RNF185: variants seen among roughly 807,000 people sequenced by gnomAD.
The protein encoded by RNF185 is E3 ubiquitin-protein ligase RNF185.
A neutral mutation model predicts 24.9 loss-of-function variants in RNF185; 13 were observed. The ratio of observed to expected loss-of-function variants is 0.52; its 90% confidence interval spans 0.34 to 0.83. The LOEUF (loss-of-function observed/expected upper bound fraction) is 0.83. RNF185 is among the 40% of genes least tolerant of loss of function. RNF185 has a pLI of 0.01. For synonymous variants in RNF185, 79 were observed against 90.3 expected (o/e 0.88, Z 0.71); for missense variants, 184 against 244.7 (o/e 0.75, Z 1.65).
At chr22:31,160,492 C>T (rs989544202) in intron 1 of RNF185, among the ~76,000 whole-genome samples, 189 bp downstream of exon 1, 1 of 152,216 alleles carries the variant, frequency 6.6e-6, no homozygotes, top group African/African-American at 2.4e-5. Flanking sequence ...CCCATGAATA[C>T]AGATTGGGGA....
At chr22:31,184,732 G>A (rs958166518) in intron 1 of RNF185, among the ~76,000 whole-genome samples, 2 of 152,150 alleles carry the variant, frequency 1.3e-5, no homozygotes, top group Non-Finnish European at 2.9e-5. Flanking sequence ...CGGCCAACAC[G>A]GCAAAACCCC....
intron 1 of RNF185, among the ~76,000 whole-genome samples, chr22:31,167,231 A>G (rs962145394): frequency 7.2e-5 from 11 of 152,110 alleles, no homozygotes; most frequent in Admixed American, 6.5e-5. Flanking sequence ...GCTGAAGTGT[A>G]GTGGCAACTC....
At chr22:31,198,018 G>A (rs1412593061) in intron 5 of RNF185, among the ~76,000 whole-genome samples, 1 of 152,118 alleles carries the variant, frequency 6.6e-6, no homozygotes, top group East Asian at 1.9e-4. Flanking sequence ...AAAAAATTCT[G>A]TTAAAATGTT....
chr22:31,191,487 A>G (rs748378542), intron 2 of RNF185, among the ~76,000 whole-genome samples: 2 of 152,230 alleles, frequency 1.3e-5, no homozygotes, highest in East Asian at 3.8e-4. Flanking sequence ...CCTGGCCTAC[A>G]TAGTAGGTAC....
intron 3 of RNF185, among the ~76,000 whole-genome samples, chr22:31,195,077 C>T (rs909928162): frequency 6.6e-5 from 10 of 152,026 alleles, no homozygotes; most frequent in East Asian, 1.9e-4. Flanking sequence ...CTCAGCCTCC[C>T]GAGTAGCTGG....
At chr22:31,161,754 C>T (rs981636957) in intron 1 of RNF185, among the ~76,000 whole-genome samples, 1 of 152,152 alleles carries the variant, frequency 6.6e-6, no homozygotes, top group Non-Finnish European at 1.5e-5. Context: ...ATCCTCTCTT[C>T]AGCAATATGT....
At chr22:31,168,943 T>C (rs1924111283) in intron 1 of RNF185, among the ~76,000 whole-genome samples, 1 of 152,088 alleles carries the variant, frequency 6.6e-6, no homozygotes, top group Admixed American at 6.6e-5. Context: ...AGTCTCTCTC[T>C]CTCTTGCCCA....
intron 1 of RNF185, among the ~76,000 whole-genome samples, chr22:31,166,719 G>T (rs1051893724): frequency 1.3e-5 from 2 of 151,534 alleles, no homozygotes; most frequent in Non-Finnish European, 2.9e-5. Context: ...GTGCGATCTT[G>T]GCTCACTGCA....
At chr22:31,202,147 A>G (rs957642771) in intron 6 of RNF185, among the ~76,000 whole-genome samples, 3 of 152,096 alleles carry the variant, frequency 2.0e-5, no homozygotes, top group African/African-American at 4.8e-5. Context: ...TGTGGGAACC[A>G]TGCCTAGGTC....
At chr22:31,165,355 C>CTGA (rs953445349) in intron 1 of RNF185, among the ~76,000 whole-genome samples, 8 of 152,140 alleles carry the variant, frequency 5.3e-5, no homozygotes, top group East Asian at 1.9e-4. Context: ...TCCTTAATGG[C>CTGA]TGATGATGAT....
chr22:31,167,290 C>G (rs1923987154), intron 1 of RNF185, among the ~76,000 whole-genome samples: 1 of 152,122 alleles, frequency 6.6e-6, no homozygotes, highest in South Asian at 2.1e-4. Context: ...GCCTCAGCCC[C>G]CTAAAGTGCT....
chr22:31,167,638 G>A (rs1236090629), intron 1 of RNF185, among the ~76,000 whole-genome samples: 1 of 115,214 alleles, frequency 8.7e-6, no homozygotes, highest in Admixed American at 1.1e-4. Flanking sequence ...TTTTGAGACA[G>A]TCTCACTCCG....
intron 1 of RNF185, among the ~76,000 whole-genome samples, chr22:31,176,491 CTTT>C (rs1231883999): frequency 5.3e-5 from 7 of 132,670 alleles, no homozygotes; most frequent in Admixed American, 1.5e-4. Flanking sequence ...TTTTCTTTTT[CTTT>C]TTTTTTTTTT....
intron 1 of RNF185, among the ~76,000 whole-genome samples, chr22:31,167,804 G>A (rs1397148403): frequency 1.3e-5 from 2 of 151,890 alleles, no homozygotes; most frequent in African/African-American, 4.8e-5. Context: ...AGTAGAGATG[G>A]GGTTTTGCCA....
intron 5 of RNF185, among the ~76,000 whole-genome samples, chr22:31,200,769 A>G (rs1392586300): frequency 6.6e-6 from 1 of 152,230 alleles, no homozygotes; most frequent in Non-Finnish European, 1.5e-5. Flanking sequence ...TATTTCTGTA[A>G]TATGTGAGTT....
intron 1 of RNF185, among the ~76,000 whole-genome samples, chr22:31,181,309 A>C (rs1460597467): frequency 6.6e-6 from 1 of 151,844 alleles, no homozygotes; most frequent in Non-Finnish European, 1.5e-5. Context: ...GCACCACTGC[A>C]CTCCAGCCTG....
intron 1 of RNF185, among the ~76,000 whole-genome samples, chr22:31,170,861 T>C (rs988399190): frequency 6.6e-6 from 1 of 152,066 alleles, no homozygotes; most frequent in Non-Finnish European, 1.5e-5. Context: ...AAGGTCTTTG[T>C]ATGCTGCCCA....
At chr22:31,191,814 C>T in intron 2 of RNF185, among the ~76,000 whole-genome samples, 1 of 54,260 alleles carries the variant, frequency 1.8e-5, no homozygotes, top group African/African-American at 8.6e-5. Flanking sequence ...GCAACAAGAA[C>T]AAAACTTCGT....
intron 3 of RNF185, among the ~76,000 whole-genome samples, chr22:31,194,173 C>T (rs1049287070): frequency 1.8e-4 from 28 of 152,102 alleles, no homozygotes; most frequent in Non-Finnish European, 4.0e-4. Flanking sequence ...GCTGGGATTA[C>T]AAGCGTGAGC....
Sources: gnomAD v4.1 joint callset for allele counts (sites outside exome capture counted in the v4.1 genomes callset) on GRCh38, gnomAD v4.1.1 for gene constraint, MANE v1.5 for transcripts, NCBI Gene and HGNC (gene_info 2026-07-23, HGNC 2026-07-21) for gene names.